Variants in SNX17 observed in about 807,000 individuals in gnomAD.
SNX17 encodes sorting nexin 17.
A neutral mutation model predicts 64.3 loss-of-function variants in SNX17; 35 were observed. That is an observed-to-expected ratio of 0.54 (90% confidence interval 0.42 to 0.72). SNX17 has a LOEUF of 0.72. Ranked by LOEUF, SNX17 falls within the 30% of genes least tolerant of loss-of-function variation. SNX17 has a pLI of 0.00. For synonymous variants in SNX17, 259 were observed against 230.2 expected (o/e 1.13, Z -1.13); for missense variants, 538 against 610.0 (o/e 0.88, Z 1.24).
chr2:27,372,778 G>T, intron 3 of SNX17, 38 bp downstream of exon 3: 1 of 1,613,006 alleles, frequency 6.2e-7, no homozygotes, highest in East Asian at 2.2e-5. Context: ...CTATATTGAG[G>T]ACTATGGGGA....
In SNX17 at chr2:27,377,292, G is replaced by A. The variant is rs1466805251; in HGVS notation, c.*573G>A. 3 of 639,548 alleles carry A rather than the reference G, an allele frequency of 4.7e-6. No individual in the cohort carries two copies. Among genetic ancestry groups the A allele is most frequent in the Non-Finnish European group, 8.4e-6 (3 of 355,922 alleles). 39.6% of individuals were successfully genotyped at this position (639,548 alleles called of 1,614,324 possible). On this transcript the variant is annotated 3_prime_UTR_variant, in exon 15 of 15. Transcript: ENST00000233575. The surrounding 1 kb of genome is among the most constrained non-coding windows in gnomAD (Gnocchi z 4.4). ...AAATAAGTTAAATAAACAGGTGGGA[G>A]GCTGGGCAGTCCCCCAGCCGGTTTG...
chr2:27,371,173 T>C (rs1682479013), intron 1 of SNX17, 96 bp from the exon 2 acceptor site: 5 of 1,087,314 alleles, frequency 4.6e-6, no homozygotes, highest in Non-Finnish European at 5.6e-6. Context: ...ATTAGCGCGT[T>C]ACTCCGGCGA....
intron 6 of SNX17, 53 bp from the exon 7 acceptor site, chr2:27,374,293 T>C: frequency 6.3e-7 from 1 of 1,581,858 alleles, no homozygotes; most frequent in Non-Finnish European, 8.7e-7. Flanking sequence ...CTTTCTTGAT[T>C]TCCCTTCCTT....
At position 27,373,323 on chromosome 2, in the gene SNX17, G is replaced by A. The variant is rs767950589; in HGVS notation, c.321+12G>A. The stretch of plus-strand genomic sequence containing the variant: ...GTCGGGCACAACAGGTAGGGCTTTG[G>A]GTGGGACCAAGATTTAAGGAAAGGA... On this transcript the variant is annotated intron_variant, in intron 4 of 14. Transcript: ENST00000233575. The A allele has an allele frequency of 6.2e-7, 1 of 1,614,052 alleles. No individual in the cohort carries two copies. The highest frequency in any genetic ancestry group is 1.1e-5 in the South Asian group (1 of 91,080).
Position 27,375,416 on chromosome 2 carries a change from G to A in SNX17, c.775-90G>A. 1 of 1,370,200 alleles carries A rather than the reference G, an allele frequency of 7.3e-7. No individual in the cohort carries two copies. Among genetic ancestry groups the A allele is most frequent in the Non-Finnish European group, 1.0e-6 (1 of 972,732 alleles). 84.9% of individuals were successfully genotyped at this position (1,370,200 alleles called of 1,614,324 possible). The stretch of plus-strand genomic sequence containing the variant: ...GCCTCCTAAAGTGCTGGGATTATAG[G>A]CATGAGCCACCGCGCCCGACCGGGG... On this transcript the variant is annotated intron_variant, in intron 9 of 14. Coordinates refer to ENST00000233575, the MANE Select transcript of SNX17 (RefSeq NM_014748.4). The surrounding 1 kb of genome is among the most constrained non-coding windows in gnomAD (Gnocchi z 4.1).
chr2:27,374,906 C>A, intron 8 of SNX17, 148 bp downstream of exon 8: 1 of 961,954 alleles, frequency 1.0e-6, no homozygotes, highest in Non-Finnish European at 1.6e-6. Context: ...TATCTACTCT[C>A]CCTACTTTTA....
rs763365098 is a variant in SNX17, at chr2:27,376,347, G to A, written c.1217G>A (p.Arg406His). Residue 406 changes from arginine to histidine, a missense_variant, in exon 13 of 15, where the codon CGC becomes CAC. By Grantham distance (29) the Arg-to-His change is conservative. Around this residue, in one of 3 missense-constraint regions of SNX17, gnomAD observed 505 missense variants for 550.4 expected, o/e 0.92. Coordinates refer to ENST00000233575, the MANE Select transcript of SNX17 (RefSeq NM_014748.4). ...LRRRVGGTLR[R>H]SDSQQAVKSP... is the part of the protein sequence containing the mutation. ...CGGCGGGTGGGGGGTACTCTGAGAC[G>A]CTCAGACAGCCAGCAAGCAGTGAAG... is the stretch of plus-strand genomic sequence containing the variant. 19 of 1,612,666 alleles carry A rather than the reference G, an allele frequency of 1.2e-5. No individual in the cohort carries two copies. The Admixed American group carries it at 2.0e-4, about 17-fold the overall frequency.
chr2:27,376,372 G>A lies in SNX17; in HGVS notation c.1242G>A (p.Lys414=). 1 of 1,613,700 alleles carries A rather than the reference G, an allele frequency of 6.2e-7. No individual in the cohort carries two copies. Among genetic ancestry groups the A allele is most frequent in the Non-Finnish European group, 8.5e-7 (1 of 1,179,752 alleles). ...GCTCAGACAGCCAGCAAGCAGTGAA[G>A]TCCCCACCACTGCTTGTAAGTATTA... ...LRRSDSQQAV[K]SPPLLESPDA... The change falls in exon 13 of 15, where the codon AAG becomes AAA. Residue 414 remains lysine (K), a synonymous_variant. Transcript: ENST00000233575.
chr2:27,376,928 GC>G lies in SNX17; in HGVS notation c.*212del. On this transcript the variant is annotated 3_prime_UTR_variant, in exon 15 of 15. Transcript: ENST00000233575. ...ATTGCCCCTTCTCTTTTCAGAGCTG[GC>G]CCTCGATGCCAAATTAGCATTTAGT... 1.7e-6 allele frequency: 1 copy of G among 583,588 alleles called. No individual in the cohort carries two copies. Among genetic ancestry groups the G allele is most frequent in the Non-Finnish European group, 3.1e-6 (1 of 327,326 alleles). 36.2% of individuals were successfully genotyped at this position (583,588 alleles called of 1,614,324 possible).
Position 27,376,353 on chromosome 2 carries a change from ACAGC to A in SNX17, c.1228_1231del (p.Gln410LysfsTer3). 6.2e-7 allele frequency: 1 copy of A among 1,613,084 alleles called. No homozygotes were observed. Among genetic ancestry groups the A allele is most frequent in the Non-Finnish European group, 8.5e-7 (1 of 1,179,274 alleles). ...GTGGGGGGTACTCTGAGACGCTCAG[ACAGC>A]CAGCAAGCAGTGAAGTCCCCACCAC... On this transcript the variant is annotated frameshift_variant, in exon 13 of 15. Transcript: ENST00000233575. LOFTEE classifies it high-confidence loss of function.
intron 4 of SNX17, chr2:27,373,538 T>C: frequency 1.8e-6 from 1 of 546,846 alleles, no homozygotes; most frequent in Non-Finnish European, 3.2e-6. Context: ...CATTTTTGTA[T>C]TTTTAGTGGA....
chr2:27,376,632 G>A lies in SNX17; in HGVS notation c.1326G>A (p.Arg442=). ...LSSKLSAVSL[R]GIGSPSTDAS... Reference sequence around the variant, plus strand: ...GTAAGCTGAGTGCCGTGAGCTTGCGGGGAATTGGCAGTCCCAGCACAGATG... The same window carrying A: ...GTAAGCTGAGTGCCGTGAGCTTGCGAGGAATTGGCAGTCCCAGCACAGATG... Residue 442 remains arginine, a synonymous_variant, in exon 15 of 15, where the codon CGG becomes CGA. Coordinates refer to ENST00000233575, the MANE Select transcript of SNX17 (RefSeq NM_014748.4). The A allele has an allele frequency of 6.2e-7, 1 of 1,614,202 alleles. No homozygotes were observed. The highest frequency in any genetic ancestry group is 8.5e-7 in the Non-Finnish European group (1 of 1,180,026).
In SNX17 at chr2:27,376,603, C is replaced by G; in HGVS notation, c.1300-3C>G. On this transcript the variant is annotated splice_region_variant and splice_polypyrimidine_tract_variant and intron_variant, in intron 14 of 14. Transcript: ENST00000233575. ...CTCTGACCCCACCCTGCCTTTGTTA[C>G]AGAGTAAGCTGAGTGCCGTGAGCTT... 1 of 1,614,198 alleles carries G rather than the reference C, an allele frequency of 6.2e-7. No individual in the cohort carries two copies. Among genetic ancestry groups the G allele is most frequent in the Non-Finnish European group, 8.5e-7 (1 of 1,180,016 alleles).
rs764922696 is a variant in SNX17 at position 27,375,702 on chromosome 2, C to T, written c.971C>T (p.Thr324Ile). ...RVTRMRCWRV[T>I]SSVPLPSGST... Reference sequence around the variant, plus strand: ...ACCCGCATGCGATGCTGGCGGGTCACCTCCTCTGTGAGTCGGGTTAGGAGG... The same window carrying T: ...ACCCGCATGCGATGCTGGCGGGTCATCTCCTCTGTGAGTCGGGTTAGGAGG... The change falls in exon 10 of 15, where the codon ACC becomes ATC. Residue 324 changes from threonine (T) to isoleucine (I), a missense_variant. Coordinates refer to ENST00000233575, the MANE Select transcript of SNX17 (RefSeq NM_014748.4). This position sits in a 1 kb window ranked among gnomAD's most constrained non-coding sequence, Gnocchi z 4.1. The T allele has an allele frequency of 1.2e-6, 2 of 1,613,964 alleles. No homozygotes were observed. The highest frequency in any genetic ancestry group is 1.1e-5 in the South Asian group (1 of 91,070).
chr2:27,371,465 C>T (rs1682535648), intron 2 of SNX17, 122 bp downstream of exon 2: 5 of 1,430,714 alleles, frequency 3.5e-6, no homozygotes, highest in Non-Finnish European at 3.7e-6. Flanking sequence ...ATCACTGCCA[C>T]AGGGTAGGGC....
chr2:27,374,556 T>G, intron 7 of SNX17, 123 bp downstream of exon 7: 4 of 1,231,724 alleles, frequency 3.2e-6, no homozygotes, highest in African/African-American at 1.5e-5. Context: ...CTGCCAGGCC[T>G]CCCAAGCTTC....
chr2:27,372,403 T>C (rs561092722), intron 2 of SNX17, among the ~76,000 whole-genome samples: 13 of 152,328 alleles, frequency 8.5e-5, no homozygotes, highest in Middle Eastern at 3.4e-3. Context: ...GTGGAGGGGC[T>C]GACTTGTACA....
chr2:27,376,818 T>C lies in SNX17; in HGVS notation c.*99T>C. Reference sequence around the variant, plus strand: ...TGCTAGGGGCGGAGGGGTCTTTTCCTTCTTCTTTCCTACCTACCCCTTTTC... The same window carrying C: ...TGCTAGGGGCGGAGGGGTCTTTTCCCTCTTCTTTCCTACCTACCCCTTTTC... On this transcript the variant is annotated 3_prime_UTR_variant, in exon 15 of 15. Coordinates refer to ENST00000233575, the MANE Select transcript of SNX17 (RefSeq NM_014748.4). The C allele has an allele frequency of 2.0e-6, 2 of 989,862 alleles. No individual in the cohort carries two copies. 61.3% of individuals were successfully genotyped at this position (989,862 alleles called of 1,614,324 possible). A position where few individuals can be genotyped will look rare whatever the true frequency, so the allele number is the denominator to read the frequency against.
intron 2 of SNX17, 184 bp downstream of exon 2, chr2:27,371,527 C>T: frequency 1.6e-6 from 2 of 1,262,978 alleles, no homozygotes; most frequent in Non-Finnish European, 2.1e-6. Context: ...AGCTTAATGT[C>T]CGCGCAACAA....
Sources: allele counts gnomAD v4.1 joint callset (sites outside exome capture counted in the v4.1 genomes callset), GRCh38; gene constraint gnomAD v4.1.1; regional missense constraint gnomAD v4.1.1; non-coding constraint Gnocchi (gnomAD v3.1); transcripts MANE v1.5; gene names NCBI Gene and HGNC (gene_info 2026-07-23, HGNC 2026-07-21).